Variants in PCDH15 observed in about 807,000 individuals in gnomAD.
PCDH15 encodes protocadherin related 15.
Under a neutral mutation model 178.5 loss-of-function variants are expected in PCDH15, and 129 were observed. That is an observed-to-expected ratio of 0.72 (90% CI 0.63 to 0.84). The LOEUF is 0.84. PCDH15 is among the 40% of genes least tolerant of loss of function. PCDH15 has a pLI of 0.00. For synonymous variants in PCDH15, 800 were observed against 732.0 expected (o/e 1.09, Z -1.50); for missense variants, 2,230 against 2,099.9 (o/e 1.06, Z -1.21).
At chr10:54,885,144 T>C (rs1417470492) in intron 3 of PCDH15, among the ~76,000 whole-genome samples, 1 of 151,988 alleles carries the variant, frequency 6.6e-6, no homozygotes, top group African/African-American at 2.4e-5. Flanking sequence ...ATTAAATAAT[T>C]AAATGACCAA....
In PCDH15 at chr10:55,396,630, T is replaced by C. The variant is rs548546515; in HGVS notation, c.-155-229979A>G. Among the ~76,000 whole-genome samples the C allele has an allele frequency of 4.6e-5, 7 of 152,300 alleles. No homozygotes were observed. The East Asian group carries it at 1.4e-3, about 29-fold the overall frequency. ...ACAAAGAAAACTTTGATTTCAAATG[T>C]GAGCTGCTTTTCAAAACCACAGGGT... On this transcript the variant is annotated intron_variant, in intron 2 of 5. Transcript: ENST00000613346.
At chr10:55,392,491 C>A (rs1029721173) in intron 2 of PCDH15, among the ~76,000 whole-genome samples, 44 of 152,094 alleles carry the variant, frequency 2.9e-4, no homozygotes, top group African/African-American at 1.1e-3. Flanking sequence ...AGCATCCAAT[C>A]CAGGATTCCA....
intron 3 of PCDH15, among the ~76,000 whole-genome samples, chr10:54,419,125 A>T (rs1954866531): frequency 7.0e-6 from 1 of 143,432 alleles, no homozygotes. Context: ...TTTCTCATAC[A>T]CTTATAATAT....
chr10:53,844,721 A>T (rs2077865472), intron 28 of PCDH15, among the ~76,000 whole-genome samples: 1 of 152,034 alleles, frequency 6.6e-6, no homozygotes, highest in Non-Finnish European at 1.5e-5. Flanking sequence ...TATGTACAAA[A>T]ATCCACTCAA....
chr10:54,877,960 T>TGAAACGGAGTC (rs1954180682), intron 3 of PCDH15, among the ~76,000 whole-genome samples: 2 of 39,482 alleles, frequency 5.1e-5, no homozygotes, highest in South Asian at 9.2e-4. Context: ...TTTTTTTTTT[T>TGAAACGGAGTC]TTTTTTTTTT....
intron 2 of PCDH15, among the ~76,000 whole-genome samples, chr10:54,987,365 C>T (rs1164281928): frequency 6.6e-6 from 1 of 152,040 alleles, no homozygotes; most frequent in Non-Finnish European, 1.5e-5. Context: ...ATTCATAATT[C>T]TTTGGGTATA....
Position 55,139,396 on chromosome 10 carries a change from T to C in PCDH15, c.-80+27180A>G, listed in dbSNP as rs532544174. Among the ~76,000 whole-genome samples the C allele has an allele frequency of 3.5e-4, 53 of 152,206 alleles. No individual in the cohort carries two copies. In the South Asian group the frequency reaches 6.6e-3, roughly 19 times the overall value. On this transcript the variant is annotated intron_variant, in intron 2 of 5. Coordinates refer to the PCDH15 transcript ENST00000458638. ...TGCAAAATTTTCTCTATGTATTTTC[T>C]TAAAGTCTTATAGTTTTGTATTTTA...
chr10:55,343,185 G>C (rs913040113), intron 2 of PCDH15, among the ~76,000 whole-genome samples: 2 of 152,136 alleles, frequency 1.3e-5, no homozygotes, highest in Admixed American at 6.6e-5. Context: ...AGCTTGAAAG[G>C]AGAAATTCTT....
chr10:55,134,435 T>G (rs540033786), intron 2 of PCDH15, among the ~76,000 whole-genome samples: 1 of 152,296 alleles, frequency 6.6e-6, no homozygotes, highest in South Asian at 2.1e-4. Flanking sequence ...ATACATTATC[T>G]TTTCAAAGGA....
chr10:54,423,532 T>A (rs1359653140), intron 3 of PCDH15, among the ~76,000 whole-genome samples: 2 of 151,756 alleles, frequency 1.3e-5, no homozygotes, highest in Admixed American at 1.3e-4. Flanking sequence ...CATTCACAAT[T>A]TCTTTAGACA....
At chr10:54,382,654 G>A (rs1949384820) in intron 3 of PCDH15, among the ~76,000 whole-genome samples, 1 of 152,068 alleles carries the variant, frequency 6.6e-6, no homozygotes, top group Non-Finnish European at 1.5e-5. Flanking sequence ...ACTGTGTTGT[G>A]TTCTGAGTCC....
rs573172171 is a variant in PCDH15, at chr10:55,330,687, C to T, written c.-155-164036G>A. On this transcript the variant is annotated intron_variant, in intron 2 of 5. Transcript: ENST00000613346. ...CTTTAGAAAAGCCATCAATGTGTGA[C>T]TCATCATTACATTATTGCAGTGTTC... is the stretch of plus-strand genomic sequence containing the variant. Among the ~76,000 whole-genome samples the T allele has an allele frequency of 1.7e-4, 26 of 152,004 alleles. No homozygotes were observed. The Middle Eastern group carries it at 0.017, about 100-fold the overall frequency.
Position 54,956,476 on chromosome 10 carries a change from T to C in PCDH15, c.-79-58976A>G, listed in dbSNP as rs148924478. 6.4e-3 allele frequency among the ~76,000 whole-genome samples: 976 copies of C among 151,636 alleles called. 10 individuals carry two copies. Among genetic ancestry groups the C allele is most frequent in the African/African-American group, 0.022 (922 of 41,486 alleles). ...ACTTACATACACTTAAGATAAAATA[T>C]TCTTTAAATAACTGAGAATGTTCAT... On this transcript the variant is annotated intron_variant, in intron 2 of 5. Coordinates refer to the PCDH15 transcript ENST00000458638.
At chr10:54,365,657 G>T (rs959016129) in intron 5 of PCDH15, among the ~76,000 whole-genome samples, 1 of 152,038 alleles carries the variant, frequency 6.6e-6, no homozygotes. Context: ...AGAAAGATTT[G>T]TCTCCAAAAC....
At chr10:55,619,811 A>C (rs1843554111) in intron 2 of PCDH15, among the ~76,000 whole-genome samples, 1 of 152,024 alleles carries the variant, frequency 6.6e-6, no homozygotes, top group Admixed American at 6.6e-5. Context: ...GTCACATATA[A>C]TATTTATTAA....
intron 6 of PCDH15, among the ~76,000 whole-genome samples, chr10:54,344,819 C>T (rs1297772236): frequency 2.8e-5 from 4 of 145,312 alleles, no homozygotes; most frequent in Non-Finnish European, 4.5e-5. Context: ...TCATACTGTC[C>T]TTCTCTGTCA....
chr10:55,081,190 T>C (rs1842032480), intron 2 of PCDH15, among the ~76,000 whole-genome samples: 1 of 152,178 alleles, frequency 6.6e-6, no homozygotes, highest in Non-Finnish European at 1.5e-5. Flanking sequence ...TTCCATCTCC[T>C]TCTCTGCCTC....
At chr10:54,789,212 A>G (rs1951168020) in intron 1 of PCDH15, among the ~76,000 whole-genome samples, 1 of 151,934 alleles carries the variant, frequency 6.6e-6, no homozygotes, top group African/African-American at 2.4e-5. Flanking sequence ...ACAAAAACAA[A>G]AATCCTTAAA....
At chr10:53,924,029 G>A (rs1321803413) in intron 25 of PCDH15, among the ~76,000 whole-genome samples, 1 of 152,086 alleles carries the variant, frequency 6.6e-6, no homozygotes, top group South Asian at 2.1e-4. Flanking sequence ...GGCAGCCCTC[G>A]CAGCCCTCGC....
Sources: gnomAD v4.1 joint callset for allele counts (sites outside exome capture counted in the v4.1 genomes callset) on GRCh38, gnomAD v4.1.1 for gene constraint, MANE v1.5 for transcripts, NCBI Gene and HGNC (gene_info 2026-07-23, HGNC 2026-07-21) for gene names.